XKR9: variants seen among roughly 807,000 people sequenced by gnomAD.
XKR9 encodes XK related 9.
In XKR9, 32 loss-of-function variants were observed where a neutral mutation model predicts 32.0. The ratio of observed to expected loss-of-function variants is 1.00; its 90% confidence interval spans 0.76 to 1.34. XKR9 has a LOEUF of 1.34. Ranked by LOEUF, XKR9 falls within the 40% of genes most tolerant of loss-of-function variation. The probability of loss-of-function intolerance (pLI) is 0.00; values close to 1 mark genes in which losing one functional copy is unlikely to be tolerated. For synonymous variants in XKR9, 168 were observed against 143.4 expected (o/e 1.17, Z -1.22); for missense variants, 546 against 429.7 (o/e 1.27, Z -2.39).
chr8:70,944,479 A>C, the XKR9 span, among the ~76,000 whole-genome samples: 1 of 152,226 alleles, frequency 6.6e-6, no homozygotes, highest in Admixed American at 6.5e-5. Flanking sequence ...TGAGAGTGTG[A>C]GGTCTTATGG....
chr8:70,792,433 C>G (rs1202155208), downstream of XKR9, among the ~76,000 whole-genome samples: 1 of 152,062 alleles, frequency 6.6e-6, no homozygotes, highest in Non-Finnish European at 1.5e-5. Context: ...AGGAAATGAC[C>G]TTGAAGCTGA....
chr8:70,745,690 C>T (rs768400341), intron 2 of XKR9, among the ~76,000 whole-genome samples: 2 of 152,166 alleles, frequency 1.3e-5, no homozygotes, highest in Admixed American at 6.5e-5. Context: ...AGTTTCAAAA[C>T]AGCCACTAGA....
downstream of XKR9, among the ~76,000 whole-genome samples, chr8:70,736,378 G>A (rs530716883): frequency 6.6e-6 from 1 of 152,186 alleles, no homozygotes; most frequent in East Asian, 1.9e-4. Flanking sequence ...CCCTTTGTCA[G>A]ATGAGTAGGT....
At chr8:70,703,128 C>G (rs1053600227) in intron 3 of XKR9, among the ~76,000 whole-genome samples, 3 of 150,570 alleles carry the variant, frequency 2.0e-5, no homozygotes, top group Admixed American at 6.7e-5. Context: ...TGGTTTTGAT[C>G]AAATGTAACA....
At chr8:70,675,763 A>G (rs1345629472) in intron 2 of XKR9, among the ~76,000 whole-genome samples, 1 of 152,186 alleles carries the variant, frequency 6.6e-6, no homozygotes, top group Non-Finnish European at 1.5e-5. Context: ...ACTCATTTCC[A>G]TCTGAGACAT....
intron 4 of XKR9, among the ~76,000 whole-genome samples, chr8:70,730,659 T>C (rs992743570): frequency 2.0e-5 from 3 of 152,146 alleles, no homozygotes; most frequent in Non-Finnish European, 1.5e-5. Context: ...CAGAAGCGAT[T>C]GTTGAGGGGA....
chr8:70,878,826 C>G, the XKR9 span, among the ~76,000 whole-genome samples: 1 of 152,156 alleles, frequency 6.6e-6, no homozygotes, highest in Non-Finnish European at 1.5e-5. Context: ...CTACAGAACT[C>G]TCCACCCCAA....
the XKR9 span, among the ~76,000 whole-genome samples, chr8:70,806,205 A>C: frequency 6.6e-6 from 1 of 152,192 alleles, no homozygotes; most frequent in Non-Finnish European, 1.5e-5. Context: ...AACAAACAAA[A>C]AGTAACAACA....
chr8:70,703,365 C>T (rs1477944), intron 3 of XKR9, among the ~76,000 whole-genome samples: 61,124 of 151,808 alleles, frequency 0.4, 13,864 homozygotes, highest in Non-Finnish European at 0.52. Context: ...AAACAAAATA[C>T]AGGTTTTAAA....
intron 3 of XKR9, among the ~76,000 whole-genome samples, chr8:70,693,931 T>A (rs1217655384): frequency 6.6e-6 from 1 of 152,140 alleles, no homozygotes; most frequent in East Asian, 1.9e-4. Context: ...AGGCTCTGTC[T>A]ATGGAGTTAC....
intron 3 of XKR9, among the ~76,000 whole-genome samples, chr8:70,703,682 CCTTGTTT>C (rs1336759024): frequency 6.6e-6 from 1 of 152,024 alleles, no homozygotes. Context: ...CTCTTTTCTG[CCTTGTTT>C]TCTTTTATAT....
At chr8:70,730,586 T>TA (rs1384847956) in intron 4 of XKR9, among the ~76,000 whole-genome samples, 38 of 134,530 alleles carry the variant, frequency 2.8e-4, no homozygotes, top group African/African-American at 6.9e-4. Flanking sequence ...CATTTTTTTT[T>TA]TAAATAAGAT....
At chr8:70,829,120 A>T in the XKR9 span, among the ~76,000 whole-genome samples, 1 of 152,202 alleles carries the variant, frequency 6.6e-6, no homozygotes, top group Non-Finnish European at 1.5e-5. Flanking sequence ...TCTTTTAAAT[A>T]AAAAGAGTGG....
intron 4 of XKR9, among the ~76,000 whole-genome samples, chr8:70,726,382 C>G (rs1277812974): frequency 6.6e-6 from 1 of 152,200 alleles, no homozygotes; most frequent in East Asian, 1.9e-4. Flanking sequence ...ACAGCAGAAA[C>G]ATTTATAGCC....
chr8:70,798,375 G>C, the XKR9 span, among the ~76,000 whole-genome samples: 1 of 151,920 alleles, frequency 6.6e-6, no homozygotes, highest in Non-Finnish European at 1.5e-5. Context: ...GTCTCTTCAT[G>C]TCCTTGGCCC....
At chr8:70,931,765 G>C in the XKR9 span, among the ~76,000 whole-genome samples, 1 of 152,202 alleles carries the variant, frequency 6.6e-6, no homozygotes, top group Admixed American at 6.5e-5. Flanking sequence ...AAGCAAGAGA[G>C]AGAAGGGGAA....
chr8:70,927,610 A>G, the XKR9 span, among the ~76,000 whole-genome samples: 265 of 152,260 alleles, frequency 1.7e-3, 1 homozygote, highest in Non-Finnish European at 2.8e-3. Flanking sequence ...GAAGGCATGG[A>G]AAAGCCAGGC....
chr8:70,810,069 C>T, the XKR9 span, among the ~76,000 whole-genome samples: 1 of 152,194 alleles, frequency 6.6e-6, no homozygotes, highest in Non-Finnish European at 1.5e-5. Flanking sequence ...AAAGGGAAGC[C>T]CATCAGACTA....
At chr8:70,798,566 T>A in the XKR9 span, among the ~76,000 whole-genome samples, 1 of 152,246 alleles carries the variant, frequency 6.6e-6, no homozygotes, top group Non-Finnish European at 1.5e-5. Flanking sequence ...TCAGGTCCCA[T>A]TTGTCAACTT....
Sources: gnomAD v4.1 joint callset for allele counts (sites outside exome capture counted in the v4.1 genomes callset) on GRCh38, gnomAD v4.1.1 for gene constraint, MANE v1.5 for transcripts, NCBI Gene and HGNC (gene_info 2026-07-23, HGNC 2026-07-21) for gene names.